The following CCNH variants were observed in gnomAD, a reference collection of about 807,000 sequenced individuals.
CCNH encodes cyclin-H.
A neutral mutation model predicts 41.9 loss-of-function variants in CCNH; 31 were observed. That is an observed-to-expected ratio of 0.74 (90% confidence interval 0.56 to 1.00). The LOEUF (loss-of-function observed/expected upper bound fraction) is 1.00. Ranked by LOEUF, CCNH falls within the 50% of genes least tolerant of loss-of-function variation. The pLI, the probability that CCNH is intolerant of heterozygous loss-of-function variation, is 0.00. For missense variants in CCNH, 362 were observed against 388.4 expected, an observed-to-expected ratio of 0.93 and a Z score of 0.57; for synonymous variants, 138 against 136.1, an observed-to-expected ratio of 1.01 and a Z score of -0.10.
intron 3 of CCNH, among the ~76,000 whole-genome samples, chr5:87,408,428 A>G (rs1177389606): frequency 6.6e-6 from 1 of 152,228 alleles, no homozygotes; most frequent in African/African-American, 2.4e-5. Context: ...ATGGCATTCA[A>G]ACATCACTGA....
intron 5 of CCNH, among the ~76,000 whole-genome samples, chr5:87,402,494 A>G (rs999153194): frequency 2.6e-5 from 4 of 152,196 alleles, no homozygotes; most frequent in Non-Finnish European, 4.4e-5. Flanking sequence ...AAATGAACAG[A>G]TTCTCAAAAT....
At chr5:87,385,338 A>G (rs2112513318) in intron 9 of CCNH, 1 of 1,611,638 alleles carries the variant, frequency 6.2e-7, no homozygotes, top group East Asian at 2.2e-5. Flanking sequence ...CACTGATATT[A>G]GTGGCTAAAT....
At chr5:87,353,577 A>G (rs1025478238) in intron 9 of CCNH, among the ~76,000 whole-genome samples, 6 of 152,020 alleles carry the variant, frequency 3.9e-5, no homozygotes, top group Non-Finnish European at 5.9e-5. Flanking sequence ...AAAAGGAAAT[A>G]AAAAATACTG....
chr5:87,366,293 A>G (rs998838818), intron 9 of CCNH: 15 of 343,080 alleles, frequency 4.4e-5, no homozygotes, highest in Non-Finnish European at 6.1e-5. Flanking sequence ...GAATATTGCA[A>G]TATCTGTAAG....
At chr5:87,350,419 T>C (rs1007154348) in intron 9 of CCNH, among the ~76,000 whole-genome samples, 19 of 151,856 alleles carry the variant, frequency 1.3e-4, no homozygotes, top group Non-Finnish European at 2.2e-4. Flanking sequence ...ACATACAAAA[T>C]AATGCACTGA....
intron 9 of CCNH, among the ~76,000 whole-genome samples, chr5:87,359,427 C>T (rs1365498049): frequency 6.6e-6 from 1 of 152,160 alleles, no homozygotes; most frequent in Non-Finnish European, 1.5e-5. Flanking sequence ...TGTTTTTGCC[C>T]ATAGCATCTT....
intron 8 of CCNH, 84 bp from the exon 9 acceptor site, chr5:87,394,568 T>C (rs1162330784): frequency 5.7e-6 from 9 of 1,589,174 alleles, no homozygotes; most frequent in Non-Finnish European, 7.7e-6. Context: ...AAGAAAATGT[T>C]CTCCTCCTTT....
chr5:87,374,503 AGTGCT>A (rs1379448477), downstream of CCNH, among the ~76,000 whole-genome samples: 1 of 145,708 alleles, frequency 6.9e-6, no homozygotes, highest in Non-Finnish European at 1.5e-5. Context: ...TTATTTGTGA[AGTGCT>A]ATGCCCTTGG....
chr5:87,358,628 C>A (rs770290116), intron 9 of CCNH, among the ~76,000 whole-genome samples: 3 of 152,164 alleles, frequency 2.0e-5, no homozygotes, highest in Non-Finnish European at 2.9e-5. Flanking sequence ...AATGTCAGAT[C>A]GTGTTACTCC....
rs1757602361 is a variant in CCNH at position 87,331,568 on chromosome 5, C to T, written c.*91-12671G>A. Reference sequence around the variant, plus strand: ...TTTGATATAATATTCATAAATATACCTGTATAATAAAGGTGAATGACTCAG... The same window carrying T: ...TTTGATATAATATTCATAAATATACTTGTATAATAAAGGTGAATGACTCAG... On this transcript the variant is annotated intron_variant and NMD_transcript_variant, in intron 9 of 9. Transcript: ENST00000645953. The T allele has an allele frequency of 1.1e-5, 17 of 1,530,952 alleles. 1 individual carries two copies. The South Asian group carries it at 1.5e-4, about 13-fold the overall frequency. 94.8% of individuals were successfully genotyped at this position (1,530,952 alleles called of 1,614,324 possible). A position where few individuals can be genotyped will look rare whatever the true frequency, so the allele number is the denominator to read the frequency against.
At chr5:87,340,184 T>C (rs1758335816) in intron 9 of CCNH, among the ~76,000 whole-genome samples, 1 of 152,154 alleles carries the variant, frequency 6.6e-6, no homozygotes, top group Admixed American at 6.5e-5. Context: ...ATAGATTGCC[T>C]TGTAAAATTT....
At chr5:87,376,890 C>A in exon 1 of CCNH, 1 of 1,605,722 alleles carries the variant, frequency 6.2e-7, no homozygotes, top group Non-Finnish European at 8.5e-7. Context: ...GCTTATACTG[C>A]AAAAGGAACT....
chr5:87,319,045 A>G (rs1161185260), intron 9 of CCNH: 1 of 152,746 alleles, frequency 6.5e-6, no homozygotes, highest in Non-Finnish European at 1.5e-5. Flanking sequence ...GGAAGTCATG[A>G]AATCTTCAAG....
chr5:87,341,963 A>G (rs1344137723), intron 9 of CCNH, among the ~76,000 whole-genome samples: 2 of 151,916 alleles, frequency 1.3e-5, no homozygotes, highest in Non-Finnish European at 2.9e-5. Flanking sequence ...TCAACTGACT[A>G]CTCCATTTGC....
chr5:87,346,273 G>C (rs1263590802), intron 9 of CCNH, among the ~76,000 whole-genome samples: 2 of 151,872 alleles, frequency 1.3e-5, no homozygotes, highest in East Asian at 3.9e-4. Context: ...GAATTTATCA[G>C]ATGTTATAGG....
chr5:87,315,887 T>C (rs186409803), downstream of CCNH, among the ~76,000 whole-genome samples: 254 of 152,324 alleles, frequency 1.7e-3, 1 homozygote, highest in African/African-American at 5.9e-3. Context: ...AAAATGGATA[T>C]ATAGGCTGAT....
At chr5:87,358,897 C>A (rs1262534016) in intron 9 of CCNH, among the ~76,000 whole-genome samples, 1 of 152,132 alleles carries the variant, frequency 6.6e-6, no homozygotes, top group Non-Finnish European at 1.5e-5. Context: ...TATCCACTAG[C>A]CTCACTCTTA....
chr5:87,325,762 T>A (rs1301029139), intron 9 of CCNH, among the ~76,000 whole-genome samples: 4 of 152,250 alleles, frequency 2.6e-5, no homozygotes, highest in Non-Finnish European at 5.9e-5. Flanking sequence ...TTTTCTGTTG[T>A]GTAGTAGACA....
At chr5:87,374,459 A>ATAT (rs1342092258), downstream of CCNH, 69 of 167,784 alleles carry the variant, frequency 4.1e-4, no homozygotes, top group African/African-American at 6.0e-4. Context: ...ATATATATAT[A>ATAT]TTTTTTTTTT....
Sources: gnomAD v4.1 joint callset for allele counts (sites outside exome capture counted in the v4.1 genomes callset) on GRCh38, gnomAD v4.1.1 for gene constraint, MANE v1.5 for transcripts, NCBI Gene and HGNC (gene_info 2026-07-23, HGNC 2026-07-21) for gene names.